Variants in RBFOX1 observed in about 807,000 individuals in gnomAD.
RBFOX1 encodes RNA binding fox-1 homolog 1.
RBFOX1 carries 8 observed loss-of-function variants against 57.7 expected under a neutral mutation model. The ratio of observed to expected loss-of-function variants is 0.14; its 90% CI spans 0.08 to 0.25. The LOEUF is 0.25. RBFOX1 is among the 10% of genes least tolerant of loss of function. The pLI, the probability that RBFOX1 is intolerant of heterozygous loss-of-function variation, is 1.00. For synonymous variants in RBFOX1, 326 were observed against 222.4 expected (o/e 1.47, Z -4.15); for missense variants, 611 against 548.5 (o/e 1.11, Z -1.14).
At chr16:5,261,604 C>T (rs1259580693) in intron 1 of RBFOX1, among the ~76,000 whole-genome samples, 2 of 140,426 alleles carry the variant, frequency 1.4e-5, no homozygotes, top group Non-Finnish European at 3.0e-5. Flanking sequence ...GCCTTGAGTG[C>T]AGTGGTGTGA....
chr16:7,709,302 C>G (rs988353995), intron 15 of RBFOX1, among the ~76,000 whole-genome samples, 171 bp downstream of exon 15: 2 of 152,146 alleles, frequency 1.3e-5, no homozygotes, highest in Non-Finnish European at 2.9e-5. Context: ...TGATAAATGT[C>G]TTAATTTCTT....
At chr16:6,188,574 T>C (rs566864804) in intron 1 of RBFOX1, among the ~76,000 whole-genome samples, 10 of 152,176 alleles carry the variant, frequency 6.6e-5, no homozygotes, top group Non-Finnish European at 1.3e-4. Context: ...ACAATCAATA[T>C]ATTTTGTTTC....
intron 1 of RBFOX1, among the ~76,000 whole-genome samples, chr16:5,286,170 G>T (rs1373466672): frequency 1.3e-5 from 2 of 152,170 alleles, no homozygotes; most frequent in African/African-American, 4.8e-5. Context: ...GGTGGACCAG[G>T]TGTGTCAATA....
At chr16:5,931,240 A>T (rs910489923) in intron 4 of RBFOX1, among the ~76,000 whole-genome samples, 1 of 152,142 alleles carries the variant, frequency 6.6e-6, no homozygotes, top group Non-Finnish European at 1.5e-5. Flanking sequence ...AAAAGAAAAA[A>T]GTGCCTTTCT....
intron 2 of RBFOX1, among the ~76,000 whole-genome samples, chr16:6,603,959 C>G (rs1018634465): frequency 1.3e-5 from 2 of 152,074 alleles, no homozygotes; most frequent in African/African-American, 4.8e-5. Flanking sequence ...TGGCTTCTTC[C>G]CTCTGATCTC....
intron 5 of RBFOX1, among the ~76,000 whole-genome samples, chr16:7,570,728 A>T (rs1307619921): frequency 2.0e-5 from 3 of 152,198 alleles, no homozygotes; most frequent in Non-Finnish European, 4.4e-5. Flanking sequence ...CTGGCAATCC[A>T]ATTTCTGGGT....
chr16:7,555,054 A>C (rs2087888611), intron 5 of RBFOX1, among the ~76,000 whole-genome samples: 1 of 152,180 alleles, frequency 6.6e-6, no homozygotes, highest in African/African-American at 2.4e-5. Flanking sequence ...TTTCAGAATA[A>C]ATCGGATAAA....
At chr16:6,964,328 A>G (rs2083638301) in intron 3 of RBFOX1, among the ~76,000 whole-genome samples, 1 of 152,108 alleles carries the variant, frequency 6.6e-6, no homozygotes, top group African/African-American at 2.4e-5. Context: ...AGCATAGAGG[A>G]TTTTTAGGGC....
intron 2 of RBFOX1, among the ~76,000 whole-genome samples, chr16:6,363,121 G>T (rs1294678758): frequency 6.6e-6 from 1 of 152,166 alleles, no homozygotes; most frequent in Non-Finnish European, 1.5e-5. Context: ...ATCTAGAGTT[G>T]TCTCTGCCTC....
intron 3 of RBFOX1, among the ~76,000 whole-genome samples, chr16:6,958,547 A>G (rs1317370757): frequency 1.3e-5 from 2 of 152,354 alleles, no homozygotes; most frequent in Non-Finnish European, 2.9e-5. Flanking sequence ...GATTGTTTTA[A>G]AAAATAAAGC....
intron 1 of RBFOX1, among the ~76,000 whole-genome samples, chr16:6,255,591 G>C (rs1406785424): frequency 1.3e-5 from 2 of 152,206 alleles, no homozygotes; most frequent in South Asian, 2.1e-4. Flanking sequence ...GTCCTATAAG[G>C]TTAGCAATCA....
intron 1 of RBFOX1, among the ~76,000 whole-genome samples, chr16:5,256,844 G>C (rs2062601963): frequency 6.6e-6 from 1 of 151,872 alleles, no homozygotes; most frequent in East Asian, 1.9e-4. Flanking sequence ...TGAGGCACAA[G>C]AATCATTTGA....
intron 3 of RBFOX1, among the ~76,000 whole-genome samples, chr16:5,650,119 T>A (rs1193156771): frequency 6.6e-6 from 1 of 152,198 alleles, no homozygotes; most frequent in East Asian, 1.9e-4. Context: ...CAATAACCTC[T>A]GTGGTTTCGA....
intron 4 of RBFOX1, among the ~76,000 whole-genome samples, chr16:7,466,990 G>A (rs2060640033): frequency 6.6e-6 from 1 of 152,124 alleles, no homozygotes; most frequent in Non-Finnish European, 1.5e-5. Flanking sequence ...CCTGTGTTAG[G>A]CACCTGGAAA....
intron 5 of RBFOX1, among the ~76,000 whole-genome samples, chr16:7,527,810 A>T (rs2152332937): frequency 6.6e-6 from 1 of 152,324 alleles, no homozygotes; most frequent in South Asian, 2.1e-4. Context: ...CAGTACCCAT[A>T]ATGAGAAATC....
intron 2 of RBFOX1, among the ~76,000 whole-genome samples, chr16:5,520,375 G>A (rs568881745): frequency 2.6e-5 from 4 of 152,210 alleles, no homozygotes; most frequent in South Asian, 4.1e-4. Flanking sequence ...GCAATCAAGA[G>A]GCAGAGTGGT....
intron 4 of RBFOX1, among the ~76,000 whole-genome samples, chr16:7,070,925 G>A (rs567129274): frequency 5.9e-5 from 9 of 152,288 alleles, no homozygotes; most frequent in South Asian, 4.1e-4. Context: ...GAGCTAGTAA[G>A]CAGGACTCAG....
chr16:7,124,815 C>A (rs972232113), intron 4 of RBFOX1, among the ~76,000 whole-genome samples: 3 of 152,080 alleles, frequency 2.0e-5, no homozygotes, highest in Admixed American at 6.5e-5. Flanking sequence ...TAGAGACAGT[C>A]CGTATCCTGT....
At chr16:6,298,997 A>G (rs1239464922) in intron 1 of RBFOX1, among the ~76,000 whole-genome samples, 2 of 152,082 alleles carry the variant, frequency 1.3e-5, no homozygotes, top group Non-Finnish European at 2.9e-5. Flanking sequence ...CAGGATCTTG[A>G]CCCCTTTCCT....
Sources: gnomAD v4.1 joint callset for allele counts (sites outside exome capture counted in the v4.1 genomes callset) on GRCh38, gnomAD v4.1.1 for gene constraint, MANE v1.5 for transcripts, NCBI Gene and HGNC (gene_info 2026-07-23, HGNC 2026-07-21) for gene names.